Variants in ADAMTS2 observed in about 807,000 individuals in gnomAD.
ADAMTS2 encodes the protein ADAM metallopeptidase with thrombospondin type 1 motif 2, also known as A disintegrin and metalloproteinase with thrombospondin motifs 2.
In ADAMTS2, 50 loss-of-function variants were observed where a neutral mutation model predicts 123.0. That is an observed-to-expected ratio of 0.41 (90% CI 0.32 to 0.51). The LOEUF (loss-of-function observed/expected upper bound fraction) is 0.51, where lower values mean the gene tolerates loss of function less well. Ranked by LOEUF, ADAMTS2 falls within the 20% of genes least tolerant of loss-of-function variation. The pLI, the probability that ADAMTS2 is intolerant of heterozygous loss-of-function variation, is 0.35. For synonymous variants in ADAMTS2, 678 were observed against 695.4 expected (o/e 0.98, Z 0.39); for missense variants, 1,494 against 1,705.2 (o/e 0.88, Z 2.18).
chr5:179,258,765 G>A (rs749714903), intron 3 of ADAMTS2, among the ~76,000 whole-genome samples: 1 of 152,104 alleles, frequency 6.6e-6, no homozygotes, highest in African/African-American at 2.4e-5. Flanking sequence ...TCCAGACAGG[G>A]GTGGAGCTGT....
At chr5:179,122,883 G>A (rs1762789847) in intron 19 of ADAMTS2, 110 bp from the exon 20 acceptor site, 3 of 1,500,602 alleles carry the variant, frequency 2.0e-6, no homozygotes, top group East Asian at 2.5e-5. Context: ...CTCAGGAGGA[G>A]GTGTGGGACA....
Position 179,113,948 on chromosome 5 carries a change from G to A in ADAMTS2, c.3555C>T (p.Ser1185=), listed in dbSNP as rs764280238. 1 of 1,614,142 alleles carries A rather than the reference G, an allele frequency of 6.2e-7. No individual in the cohort carries two copies. The highest frequency in any genetic ancestry group is 1.1e-5 in the South Asian group (1 of 91,072). Residue 1185 remains serine, a synonymous_variant, in exon 22 of 22, where the codon AGC becomes AGT. Coordinates refer to ENST00000251582, the MANE Select transcript of ADAMTS2 (RefSeq NM_014244.5). The part of the protein sequence containing the change: ...QPPNLIPRRP[S]PYEKTRNQRI... The stretch of plus-strand genomic sequence containing the variant: ...TTTGGTTTCTGGTCTTTTCATAGGG[G>A]CTCGGTCGTCGAGGGATTAGGTTGG...
chr5:179,189,924 A>G lies in ADAMTS2; in HGVS notation c.892-8769T>C, dbSNP rs1303557329. On this transcript the variant is annotated intron_variant, in intron 4 of 21. Transcript: ENST00000251582. The surrounding 1 kb of genome is among the most constrained non-coding windows in gnomAD (Gnocchi z 4.2). ...GGCGGGGGCGGGTGGCAATATCACA[A>G]AGTACATTACCCCAAGGGCGGAGAG... 2.0e-5 allele frequency among the ~76,000 whole-genome samples: 3 copies of G among 152,072 alleles called. No homozygotes were observed. The highest frequency in any genetic ancestry group is 2.9e-5 in the Non-Finnish European group (2 of 68,022).
Position 179,111,081 on chromosome 5 carries a change from TCAAAA to T in ADAMTS2, c.*2781_*2785del, listed in dbSNP as rs1440656070. The T allele has an allele frequency of 6.6e-6, 1 of 152,072 alleles. No individual in the cohort carries two copies. The highest frequency in any genetic ancestry group is 2.4e-5 in the African/African-American group (1 of 41,392). 9.4% of individuals were successfully genotyped at this position (152,072 alleles called of 1,614,324 possible). On this transcript the variant is annotated 3_prime_UTR_variant, in exon 22 of 22. Transcript: ENST00000251582. ...TTGCTATTGAGCACCATGTATATAC[TCAAAA>T]CAAACAGAAAAACCTTAAAATACAA...
rs35845418 is a variant in ADAMTS2 at position 179,324,393 on chromosome 5, C to CTTTT, written c.534+19370_534+19373dup. ...TGTATGTTGATAGCTTTATTTTTCT[C>CTTTT]TTTTTTTTTTTTTTTGAGACAGAGT... is the stretch of plus-strand genomic sequence containing the variant. On this transcript the variant is annotated intron_variant, in intron 2 of 21. Transcript: ENST00000251582. Among the ~76,000 whole-genome samples, 572 of 142,068 alleles carry CTTTT rather than the reference C, an allele frequency of 4.0e-3. 6 individuals carry two copies. The highest frequency in any genetic ancestry group is 0.014 in the African/African-American group (518 of 38,218). 93.2% of individuals were successfully genotyped at this position (142,068 alleles called of 152,430 possible). A position where few individuals can be genotyped will look rare whatever the true frequency, so the allele number is the denominator to read the frequency against.
At chr5:179,305,055 G>GAAA (rs3084664) in intron 2 of ADAMTS2, among the ~76,000 whole-genome samples, 1 of 126,144 alleles carries the variant, frequency 7.9e-6, no homozygotes, top group Non-Finnish European at 1.8e-5. Flanking sequence ...TTAAAATGCT[G>GAAA]AAAAAAAAAA....
chr5:179,330,146 AAAAAAG>A (rs1264388629), intron 2 of ADAMTS2, among the ~76,000 whole-genome samples: 7 of 151,460 alleles, frequency 4.6e-5, no homozygotes, highest in Non-Finnish European at 8.8e-5. Flanking sequence ...AAAAAAAAAA[AAAAAAG>A]GAAACAAGTT....
intron 2 of ADAMTS2, among the ~76,000 whole-genome samples, chr5:179,315,311 C>CACTGAGGCCACAGTTGGCTTCTGGAAAGT (rs1756961109): frequency 6.6e-6 from 1 of 152,254 alleles, no homozygotes; most frequent in African/African-American, 2.4e-5. Flanking sequence ...TTCTGGAAAG[C>CACTGAGGCCACAGTTGGCTTCTGGAAAGT]ACTGAGGCCA....
At position 179,237,552 on chromosome 5, in the gene ADAMTS2, G is replaced by C. The variant is rs577972950; in HGVS notation, c.689-29837C>G. ...GTCACTTCAGCTACTCTCAAGAAAG[G>C]CTTCGTCACCTGGATCCAGTCGCGT... is the stretch of plus-strand genomic sequence containing the variant. On this transcript the variant is annotated intron_variant, in intron 3 of 21. Transcript: ENST00000251582. Among the ~76,000 whole-genome samples, 5 of 152,282 alleles carry C rather than the reference G, an allele frequency of 3.3e-5. No homozygotes were observed. The South Asian group carries it at 1.0e-3, about 32-fold the overall frequency.
At position 179,118,063 on chromosome 5, in the gene ADAMTS2, C is replaced by T. The variant is rs1036825717; in HGVS notation, c.3178+3598G>A. Among the ~76,000 whole-genome samples, 4 of 152,174 alleles carry T rather than the reference C, an allele frequency of 2.6e-5. No individual in the cohort carries two copies. Among genetic ancestry groups the T allele is most frequent in the Non-Finnish European group, 2.9e-5 (2 of 68,028 alleles). On this transcript the variant is annotated intron_variant, in intron 21 of 21. Transcript: ENST00000251582. This position sits in a 1 kb window ranked among gnomAD's most constrained non-coding sequence, Gnocchi z 4.5. ...GCAGCCCCAGGTGGGGTCCCCCTTC[C>T]ACCTGGTCTACATACTGGACTTCTA...
At chr5:179,271,306 C>T (rs1284839990) in intron 3 of ADAMTS2, among the ~76,000 whole-genome samples, 1 of 152,142 alleles carries the variant, frequency 6.6e-6, no homozygotes, top group East Asian at 1.9e-4. Flanking sequence ...GCCAAGGGCA[C>T]GTGGCCAGCT....
chr5:179,212,744 G>A (rs1764890699), intron 3 of ADAMTS2, among the ~76,000 whole-genome samples: 1 of 123,434 alleles, frequency 8.1e-6, no homozygotes, highest in African/African-American at 3.1e-5. Context: ...GTGGGCAGGT[G>A]TGGGCCTGAG....
intron 3 of ADAMTS2, among the ~76,000 whole-genome samples, chr5:179,241,462 T>A (rs1765670090): frequency 6.6e-6 from 1 of 152,216 alleles, no homozygotes; most frequent in Non-Finnish European, 1.5e-5. Flanking sequence ...GAGTTCGGGT[T>A]GTTATTCTGC....
intron 17 of ADAMTS2, among the ~76,000 whole-genome samples, chr5:179,126,715 A>C (rs554756566): frequency 2.2e-4 from 33 of 152,378 alleles, no homozygotes; most frequent in African/African-American, 7.9e-4. Flanking sequence ...AATGTCAGTG[A>C]TGCCCAGGCT....
At position 179,299,295 on chromosome 5, in the gene ADAMTS2, T is replaced by G. The variant is rs76491872; in HGVS notation, c.535-26231A>C. Among the ~76,000 whole-genome samples, 246 of 78,126 alleles carry G rather than the reference T, an allele frequency of 3.1e-3. 4 individuals carry two copies. Among genetic ancestry groups the G allele is most frequent in the African/African-American group, 0.011 (228 of 20,860 alleles). The allele number at this position is 78,126 out of a possible 152,430, so 51.3% of individuals were successfully genotyped here. The stretch of plus-strand genomic sequence containing the variant: ...CTGTAATCCCAGCACTTTGGGAGGC[T>G]GAGGCGGGCGGATCACGAGGTCAGG... On this transcript the variant is annotated intron_variant, in intron 2 of 21. Coordinates refer to ENST00000251582, the MANE Select transcript of ADAMTS2 (RefSeq NM_014244.5).
At chr5:179,325,945 T>A (rs1036731224) in intron 2 of ADAMTS2, among the ~76,000 whole-genome samples, 1 of 152,148 alleles carries the variant, frequency 6.6e-6, no homozygotes, top group African/African-American at 2.4e-5. Flanking sequence ...ACCCTCCGGA[T>A]TCACTCCCAA....
At chr5:179,337,175 C>T (rs1176070045) in intron 2 of ADAMTS2, among the ~76,000 whole-genome samples, 2 of 152,012 alleles carry the variant, frequency 1.3e-5, no homozygotes, top group African/African-American at 2.4e-5. Context: ...CCTCCCATTC[C>T]GGGGTAACCA....
At chr5:179,288,093 C>G (rs1223157025) in intron 2 of ADAMTS2, among the ~76,000 whole-genome samples, 2 of 152,234 alleles carry the variant, frequency 1.3e-5, no homozygotes, top group Non-Finnish European at 2.9e-5. Flanking sequence ...AGGACCCCCC[C>G]TTTCACTTTC....
intron 4 of ADAMTS2, among the ~76,000 whole-genome samples, chr5:179,193,205 A>G (rs928057180): frequency 7.2e-5 from 11 of 152,166 alleles, no homozygotes; most frequent in African/African-American, 2.7e-4. Context: ...GGTGGCCCCC[A>G]TGAGAAAAAA....
Sources: allele counts gnomAD v4.1 joint callset (sites outside exome capture counted in the v4.1 genomes callset), GRCh38; gene constraint gnomAD v4.1.1; non-coding constraint Gnocchi (gnomAD v3.1); transcripts MANE v1.5; gene names NCBI Gene and HGNC (gene_info 2026-07-23, HGNC 2026-07-21).